Variants in ZNF469 observed in about 807,000 individuals in gnomAD.
The protein encoded by ZNF469 is zinc finger protein 469.
In ZNF469, 1 loss-of-function variant was observed where a neutral mutation model predicts 1.0. The observed-to-expected ratio is 1.00, with a 90% CI of 0.35 to 4.73. ZNF469 has a LOEUF of 4.73. ZNF469 is among the 30% of genes most tolerant of loss of function. ZNF469 has a pLI of 0.16. For synonymous variants in ZNF469, 2,703 were observed against 2,363.4 expected (o/e 1.14, Z -4.17); for missense variants, 6,100 against 5,356.3 (o/e 1.14, Z -4.33).
the ZNF469 span, among the ~76,000 whole-genome samples, chr16:88,356,878 G>A: frequency 6.6e-6 from 1 of 151,386 alleles, no homozygotes; most frequent in African/African-American, 2.5e-5. Flanking sequence ...GCAGACTCTT[G>A]CTGAATCCCG....
chr16:88,278,562 G>A, the ZNF469 span, among the ~76,000 whole-genome samples: 3 of 102,166 alleles, frequency 2.9e-5, no homozygotes, highest in Non-Finnish European at 4.1e-5. Flanking sequence ...ACTGACGCTT[G>A]GTCAGTACCA....
At chr16:88,204,104 C>T in the ZNF469 span, among the ~76,000 whole-genome samples, 2 of 151,214 alleles carry the variant, frequency 1.3e-5, no homozygotes, top group Non-Finnish European at 2.9e-5. Context: ...CCGGAGGTGC[C>T]CCGTAACCCC....
chr16:88,430,653 C>T lies in ZNF469; in HGVS notation c.3183C>T (p.Arg1061=), dbSNP rs756703220. Residue 1061 remains arginine, a synonymous_variant, in exon 3 of 3, where the codon CGC becomes CGT. Transcript: ENST00000565624. ...AGATCGTGCAGCAGAAGAACAGGCG[C>T]CACCGGCGGCTGGGGCGGCGGGCGG... ...ILKIVQQKNR[R]HRRLGRRAGR... is the part of the protein sequence containing the mutation. 81 of 1,493,870 alleles carry T rather than the reference C, an allele frequency of 5.4e-5. No individual in the cohort carries two copies. The highest frequency in any genetic ancestry group is 6.5e-5 in the Non-Finnish European group (73 of 1,127,442). The allele number at this position is 1,493,870 out of a possible 1,614,324, so 92.5% of individuals were successfully genotyped here.
intron 1 of ZNF469, among the ~76,000 whole-genome samples, chr16:88,400,747 G>A (rs541531661): frequency 4.6e-5 from 7 of 152,170 alleles, no homozygotes; most frequent in Admixed American, 1.3e-4. Context: ...CTGTGGGTCC[G>A]CAAACAGTCT....
Position 88,430,434 on chromosome 16 carries a change from G to T in ZNF469, c.2964G>T (p.Glu988Asp). Residue 988 changes from glutamate to aspartate, a missense_variant, in exon 3 of 3, where the codon GAG (glutamate) becomes GAT (aspartate). Transcript: ENST00000565624. ...LRPRRNDGLGERPPPRPRRPR... is the reference protein window; with the variant it reads ...LRPRRNDGLGDRPPPRPRRPR... ...CCCGGAGGAACGACGGTCTCGGGGAGCGGCCCCCACCCCGTCCCCGGCGCC... is the reference window on the plus strand; with the variant it reads ...CCCGGAGGAACGACGGTCTCGGGGATCGGCCCCCACCCCGTCCCCGGCGCC... The T allele has an allele frequency of 6.6e-7, 1 of 1,516,268 alleles. No individual in the cohort carries two copies. The highest frequency in any genetic ancestry group is 8.8e-7 in the Non-Finnish European group (1 of 1,136,728). The allele number at this position is 1,516,268 out of a possible 1,614,324, so 93.9% of individuals were successfully genotyped here.
chr16:88,287,576 G>A, the ZNF469 span, among the ~76,000 whole-genome samples: 1 of 152,138 alleles, frequency 6.6e-6, no homozygotes, highest in Non-Finnish European at 1.5e-5. Context: ...TTATCTGGTG[G>A]ATCATTTTAT....
chr16:88,282,284 TGG>T, the ZNF469 span, among the ~76,000 whole-genome samples: 1 of 152,124 alleles, frequency 6.6e-6, no homozygotes, highest in Non-Finnish European at 1.5e-5. Context: ...GAAGGCACCT[TGG>T]GCCTGTGTTC....
the ZNF469 span, among the ~76,000 whole-genome samples, chr16:88,251,357 T>TGTCTACATGCACGTGTCAGGTA: frequency 2.0e-5 from 3 of 150,914 alleles, no homozygotes; most frequent in East Asian, 5.8e-4. Context: ...GCATGTGTCA[T>TGTCTACATGCACGTGTCAGGTA]GTCTACATGC....
chr16:88,326,470 C>A, the ZNF469 span, among the ~76,000 whole-genome samples: 7 of 152,296 alleles, frequency 4.6e-5, no homozygotes, highest in South Asian at 2.1e-4. Flanking sequence ...TAATACACTT[C>A]GAGACACTCT....
At chr16:88,212,753 G>T in the ZNF469 span, among the ~76,000 whole-genome samples, 3 of 152,040 alleles carry the variant, frequency 2.0e-5, no homozygotes, top group African/African-American at 7.2e-5. Context: ...GCTAATTTTT[G>T]TAATTTTTTT....
Position 88,432,383 on chromosome 16 carries a change from A to C in ZNF469, c.4913A>C (p.Glu1638Ala). Residue 1638 changes from glutamate to alanine, a missense_variant, in exon 3 of 3, where the codon GAG (glutamate) becomes GCG (alanine). Glu to Ala is a moderately radical substitution (Grantham distance 107). Coordinates refer to ENST00000565624, the MANE Select transcript of ZNF469 (RefSeq NM_001367624.2). Reference sequence around the variant, plus strand: ...GTTGGAGAATCCACTGCACATCGGGAGGGTGCGGAATCGGCTGTGGCCACC... The same window carrying C: ...GTTGGAGAATCCACTGCACATCGGGCGGGTGCGGAATCGGCTGTGGCCACC... ...TRVGESTAHR[E>A]GAESAVATVE... The C allele has an allele frequency of 6.5e-7, 1 of 1,549,168 alleles. No homozygotes were observed. Among genetic ancestry groups the C allele is most frequent in the Non-Finnish European group, 8.7e-7 (1 of 1,146,606 alleles).
chr16:88,222,251 G>A, the ZNF469 span, among the ~76,000 whole-genome samples: 1 of 152,182 alleles, frequency 6.6e-6, no homozygotes. Flanking sequence ...GATTCCCAGA[G>A]CTCACAGCCT....
the ZNF469 span, among the ~76,000 whole-genome samples, chr16:88,117,327 T>C: frequency 6.6e-6 from 1 of 152,218 alleles, no homozygotes; most frequent in African/African-American, 2.4e-5. Flanking sequence ...TGTGGCTCTC[T>C]CTGCCTTTCT....
chr16:88,205,595 A>G, the ZNF469 span, among the ~76,000 whole-genome samples: 5 of 152,208 alleles, frequency 3.3e-5, no homozygotes, highest in Admixed American at 3.3e-4. This position sits in a 1 kb window ranked among gnomAD's most constrained non-coding sequence, Gnocchi z 4.2. Flanking sequence ...ATTCTCTATA[A>G]AAACACACAC....
chr16:88,247,240 G>GAGTGA, the ZNF469 span, among the ~76,000 whole-genome samples: 2 of 147,572 alleles, frequency 1.4e-5, no homozygotes, highest in Admixed American at 6.7e-5. Flanking sequence ...GGGAGTGAAT[G>GAGTGA]GTGAATGAGT....
the ZNF469 span, among the ~76,000 whole-genome samples, chr16:88,136,602 C>T: frequency 5.9e-5 from 9 of 152,244 alleles, no homozygotes; most frequent in Admixed American, 2.0e-4. Context: ...GCGTGGGCCC[C>T]GCCCGTGGGG....
At position 88,432,798 on chromosome 16, in the gene ZNF469, C is replaced by A. The variant is rs1346514784; in HGVS notation, c.5328C>A (p.Phe1776Leu). Residue 1776 changes from phenylalanine to leucine, a missense_variant, in exon 3 of 3, where the codon TTC (phenylalanine) becomes TTA (leucine). By Grantham distance (22) the Phe-to-Leu change is conservative. Coordinates refer to ENST00000565624, the MANE Select transcript of ZNF469 (RefSeq NM_001367624.2). ...RLLPCEQRGG[F>L]LPEPGTADQP... Reference sequence around the variant, plus strand: ...TTCCCTGTGAACAGAGAGGAGGGTTCCTCCCAGAGCCCGGCACAGCAGACC... The same window carrying A: ...TTCCCTGTGAACAGAGAGGAGGGTTACTCCCAGAGCCCGGCACAGCAGACC... The A allele has an allele frequency of 6.4e-7, 1 of 1,550,392 alleles. No individual in the cohort carries two copies. Among genetic ancestry groups the A allele is most frequent in the Admixed American group, 2.0e-5 (1 of 51,012 alleles).
chr16:88,433,632 C>T lies in ZNF469; in HGVS notation c.6162C>T (p.Pro2054=). 1 of 1,550,282 alleles carries T rather than the reference C, an allele frequency of 6.5e-7. No individual in the cohort carries two copies. Among genetic ancestry groups the T allele is most frequent in the South Asian group, 1.2e-5 (1 of 84,056 alleles). The change falls in exon 3 of 3, where the codon CCC becomes CCT. Residue 2054 remains proline, a synonymous_variant. Coordinates refer to ENST00000565624, the MANE Select transcript of ZNF469 (RefSeq NM_001367624.2). The part of the protein sequence containing the change: ...AAMSLQEEAE[P]TPSPPSPNRE... ...TGAGCCTTCAGGAGGAGGCCGAGCC[C>T]ACCCCAAGCCCCCCGTCCCCTAATA...
intron 1 of ZNF469, among the ~76,000 whole-genome samples, chr16:88,415,469 G>A (rs1388442332): frequency 1.3e-5 from 2 of 152,248 alleles, no homozygotes; most frequent in Non-Finnish European, 2.9e-5. Flanking sequence ...GCGGGGGGCA[G>A]TGCTGTGCCC....
Sources: allele counts gnomAD v4.1 joint callset (sites outside exome capture counted in the v4.1 genomes callset), GRCh38; gene constraint gnomAD v4.1.1; non-coding constraint Gnocchi (gnomAD v3.1); transcripts MANE v1.5; gene names NCBI Gene and HGNC (gene_info 2026-07-23, HGNC 2026-07-21).